HS6ST3: variants seen among roughly 807,000 people sequenced by gnomAD.
The protein encoded by HS6ST3 is heparan sulfate 6-O-sulfotransferase 3.
In HS6ST3, 12 loss-of-function variants were observed where a neutral mutation model predicts 36.7. The ratio of observed to expected loss-of-function variants is 0.33; its 90% confidence interval spans 0.21 to 0.53. HS6ST3 has a LOEUF of 0.53. Ranked by LOEUF, HS6ST3 falls within the 20% of genes least tolerant of loss-of-function variation. The pLI, the probability that HS6ST3 is intolerant of heterozygous loss-of-function variation, is 0.95. For missense variants in HS6ST3, 584 were observed against 640.9 expected, an observed-to-expected ratio of 0.91 and a Z score of 0.96; for synonymous variants, 240 against 257.5, an observed-to-expected ratio of 0.93 and a Z score of 0.65.
rs557438191 is a variant in HS6ST3 at position 96,706,667 on chromosome 13, C to G, written c.708-125823C>G. 9.9e-5 allele frequency among the ~76,000 whole-genome samples: 15 copies of G among 151,926 alleles called. No individual in the cohort carries two copies. In the South Asian group the frequency reaches 3.1e-3, roughly 32 times the overall value. On this transcript the variant is annotated intron_variant, in intron 1 of 1. Transcript: ENST00000376705. ...AAGAAAAGTAAAACTGACCATTGCC[C>G]CCAACAATCCATCGTCCCCTGCTTT... is the stretch of plus-strand genomic sequence containing the variant.
chr13:96,632,497 T>C (rs2056535590), intron 1 of HS6ST3, among the ~76,000 whole-genome samples: 1 of 152,188 alleles, frequency 6.6e-6, no homozygotes, highest in Non-Finnish European at 1.5e-5. Flanking sequence ...TGATTTCTGA[T>C]TATCAAAACA....
intron 1 of HS6ST3, among the ~76,000 whole-genome samples, chr13:96,324,282 A>G (rs907683521): frequency 1.3e-5 from 2 of 152,188 alleles, no homozygotes; most frequent in East Asian, 3.9e-4. Context: ...CTTTTTTGGT[A>G]TATTAAAGAA....
At chr13:96,656,113 CA>C (rs1265497080) in intron 1 of HS6ST3, among the ~76,000 whole-genome samples, 4 of 152,070 alleles carry the variant, frequency 2.6e-5, no homozygotes, top group Non-Finnish European at 4.4e-5. Flanking sequence ...AAGAGAATTA[CA>C]AAGATTTTCT....
chr13:96,314,113 A>C (rs2054955969), intron 1 of HS6ST3, among the ~76,000 whole-genome samples: 2 of 152,150 alleles, frequency 1.3e-5, no homozygotes. Context: ...AGGCAGGAGA[A>C]TTGCTTGAAC....
chr13:96,218,954 T>C (rs1474795708), intron 1 of HS6ST3, among the ~76,000 whole-genome samples: 1 of 152,194 alleles, frequency 6.6e-6, no homozygotes, highest in African/African-American at 2.4e-5. Context: ...CTGTTGAGTC[T>C]TTTTCTGCCT....
intron 1 of HS6ST3, among the ~76,000 whole-genome samples, chr13:96,410,092 G>T (rs1023992764): frequency 6.6e-6 from 1 of 152,064 alleles, no homozygotes; most frequent in Non-Finnish European, 1.5e-5. Context: ...ATAAAATCGT[G>T]AAAGGAACAA....
At chr13:96,604,714 T>A (rs2056432608) in intron 1 of HS6ST3, among the ~76,000 whole-genome samples, 1 of 152,216 alleles carries the variant, frequency 6.6e-6, no homozygotes, top group Non-Finnish European at 1.5e-5. Flanking sequence ...TATTAATGTG[T>A]GTGTACATGC....
chr13:96,136,384 G>T (rs1280954071), intron 1 of HS6ST3, among the ~76,000 whole-genome samples: 1 of 152,066 alleles, frequency 6.6e-6, no homozygotes, highest in Admixed American at 6.6e-5. Flanking sequence ...GAGCTTTTAC[G>T]CGTGGTGCAA....
At chr13:96,231,383 A>G (rs905818375) in intron 1 of HS6ST3, among the ~76,000 whole-genome samples, 19 of 152,210 alleles carry the variant, frequency 1.2e-4, no homozygotes, top group African/African-American at 4.3e-4. Flanking sequence ...TATAAAGAAT[A>G]GAAGTTTAAT....
intron 1 of HS6ST3, among the ~76,000 whole-genome samples, chr13:96,242,088 TG>T (rs1267245362): frequency 6.6e-6 from 1 of 151,868 alleles, no homozygotes; most frequent in East Asian, 2.0e-4. Flanking sequence ...CCTGGCCTGA[TG>T]TAACATTTTC....
At chr13:96,308,624 C>T (rs190600098) in intron 1 of HS6ST3, among the ~76,000 whole-genome samples, 1 of 152,188 alleles carries the variant, frequency 6.6e-6, no homozygotes, top group East Asian at 1.9e-4. Context: ...TTCTGAGGGA[C>T]CATTTTCATT....
chr13:96,145,140 A>G (rs1268121105), intron 1 of HS6ST3, among the ~76,000 whole-genome samples: 1 of 132,756 alleles, frequency 7.5e-6, no homozygotes, highest in African/African-American at 2.9e-5. Flanking sequence ...TTATAGCAGC[A>G]TGATTTATAA....
intron 1 of HS6ST3, among the ~76,000 whole-genome samples, chr13:96,708,321 C>A (rs1023352713): frequency 6.6e-6 from 1 of 152,176 alleles, no homozygotes; most frequent in East Asian, 1.9e-4. Flanking sequence ...ATATGAAAAT[C>A]TGGACCTTCT....
chr13:96,538,556 G>T (rs1283349174), intron 1 of HS6ST3, among the ~76,000 whole-genome samples: 1 of 152,192 alleles, frequency 6.6e-6, no homozygotes, highest in Non-Finnish European at 1.5e-5. Context: ...TGATTCTCAT[G>T]CCTTGGCCTC....
At chr13:96,246,934 T>C (rs2054587521) in intron 1 of HS6ST3, among the ~76,000 whole-genome samples, 1 of 152,136 alleles carries the variant, frequency 6.6e-6, no homozygotes, top group Admixed American at 6.6e-5. Context: ...TAGTATCTGC[T>C]GCTAAAAACA....
At chr13:96,438,738 A>C (rs972277465) in intron 1 of HS6ST3, among the ~76,000 whole-genome samples, 1 of 152,200 alleles carries the variant, frequency 6.6e-6, no homozygotes, top group Admixed American at 6.5e-5. Flanking sequence ...AAGGCCAGGT[A>C]GTCCAGAATT....
intron 1 of HS6ST3, among the ~76,000 whole-genome samples, chr13:96,794,041 A>G (rs1348877229): frequency 6.6e-6 from 1 of 152,054 alleles, no homozygotes; most frequent in Non-Finnish European, 1.5e-5. Context: ...CTACTGTGAC[A>G]TGCTAAGGAA....
At chr13:96,471,435 C>G (rs998580051) in intron 1 of HS6ST3, among the ~76,000 whole-genome samples, 3 of 152,196 alleles carry the variant, frequency 2.0e-5, no homozygotes, top group Admixed American at 6.5e-5. Flanking sequence ...GGGGTTGCAC[C>G]TTGAGGGTGT....
In HS6ST3 at chr13:96,309,657, T is replaced by C. The variant is rs1229420083; in HGVS notation, c.707+218088T>C. Reference sequence around the variant, plus strand: ...TTCTCAAAGAGCTCTGTGACTTAAATAAGATTTAATGACTGAGTAGTTGTT... The same window carrying C: ...TTCTCAAAGAGCTCTGTGACTTAAACAAGATTTAATGACTGAGTAGTTGTT... On this transcript the variant is annotated intron_variant, in intron 1 of 1. Coordinates refer to ENST00000376705, the MANE Select transcript of HS6ST3 (RefSeq NM_153456.4). Among the ~76,000 whole-genome samples the C allele has an allele frequency of 3.3e-5, 5 of 152,174 alleles. No individual in the cohort carries two copies. In the East Asian group the frequency reaches 7.7e-4, roughly 23 times the overall value.
Sources: gnomAD v4.1 joint callset for allele counts (sites outside exome capture counted in the v4.1 genomes callset) on GRCh38, gnomAD v4.1.1 for gene constraint, MANE v1.5 for transcripts, NCBI Gene and HGNC (gene_info 2026-07-23, HGNC 2026-07-21) for gene names.